SPIRE1: variants seen among roughly 807,000 people sequenced by gnomAD.
SPIRE1 encodes spire type actin nucleation factor 1.
Under a neutral mutation model 94.1 loss-of-function variants are expected in SPIRE1, and 40 were observed. The ratio of observed to expected loss-of-function variants is 0.43; its 90% CI spans 0.33 to 0.55. The LOEUF (loss-of-function observed/expected upper bound fraction) is 0.55, where lower values mean the gene tolerates loss of function less well. SPIRE1 is among the 20% of genes least tolerant of loss of function. SPIRE1 has a pLI of 0.06. For synonymous variants in SPIRE1, 376 were observed against 371.7 expected, an observed-to-expected ratio of 1.01 and a Z score of -0.13; for missense variants, 838 against 975.2, an observed-to-expected ratio of 0.86 and a Z score of 1.87.
intron 1 of SPIRE1, among the ~76,000 whole-genome samples, chr18:12,638,882 A>T (rs1053228061): frequency 6.6e-6 from 1 of 152,060 alleles, no homozygotes. Context: ...GATGACTGTA[A>T]GTTTTCTGAG....
chr18:12,452,137 C>A, intron 16 of SPIRE1, 118 bp downstream of exon 16: 1 of 1,277,614 alleles, frequency 7.8e-7, no homozygotes, highest in Non-Finnish European at 1.1e-6. Flanking sequence ...TGTATTAAAA[C>A]CAACCAACAA....
At chr18:12,629,726 G>T (rs1249165260) in intron 2 of SPIRE1, among the ~76,000 whole-genome samples, 8 of 152,090 alleles carry the variant, frequency 5.3e-5, no homozygotes, top group South Asian at 4.2e-4. Flanking sequence ...AAAACTCAAA[G>T]AATTAAATAA....
rs536045286 is a variant in SPIRE1, at chr18:12,510,232, T to TA, written c.807+2221dup. On this transcript the variant is annotated intron_variant, in intron 5 of 16. Coordinates refer to ENST00000409402, the MANE Select transcript of SPIRE1 (RefSeq NM_001128626.2). ...AGGAGGGAGGCAGGAGGTAGGATCA[T>TA]AAAAAGGTATGAGGAAACTTTGGGT... Among the ~76,000 whole-genome samples the TA allele has an allele frequency of 1.1e-3, 165 of 152,160 alleles. 1 individual carries two copies. The highest frequency in any genetic ancestry group is 3.6e-3 in the African/African-American group (149 of 41,528).
At chr18:12,488,938 C>A (rs2033135174) in intron 8 of SPIRE1, among the ~76,000 whole-genome samples, 1 of 152,188 alleles carries the variant, frequency 6.6e-6, no homozygotes, top group Admixed American at 6.5e-5. Context: ...GTAATCCCAG[C>A]ACTTTCGGAG....
At chr18:12,542,676 TAATA>T (rs2035044849) in intron 3 of SPIRE1, among the ~76,000 whole-genome samples, 1 of 152,216 alleles carries the variant, frequency 6.6e-6, no homozygotes, top group African/African-American at 2.4e-5. Flanking sequence ...AGGTTAGCAC[TAATA>T]AATTAGTGCT....
At position 12,657,829 on chromosome 18, in the gene SPIRE1, G is replaced by T. The variant is rs1413867598; in HGVS notation, c.38C>A (p.Pro13Gln). 5.1e-6 allele frequency: 6 copies of T among 1,165,930 alleles called. No homozygotes were observed. The African/African-American group carries it at 6.5e-5, about 13-fold the overall frequency. The allele number at this position is 1,165,930 out of a possible 1,614,324, so 72.2% of individuals were successfully genotyped here. A position where few individuals can be genotyped will look rare whatever the true frequency, so the allele number is the denominator to read the frequency against. ...QAAGPAGGGE[P>Q]RTEAVGGEGP... ...CTCGCCGCCCACTGCCTCAGTCCGC[G>T]GCTCCCCGCCGCCCGCCGGGCCAGC... is the stretch of plus-strand genomic sequence containing the variant. The change falls in exon 1 of 17, where the codon CCG (proline) becomes CAG (glutamine). Residue 13 changes from proline (P) to glutamine (Q), a missense_variant. Pro to Gln is a moderately conservative substitution (Grantham distance 76, BLOSUM62 -1). Coordinates refer to ENST00000409402, the MANE Select transcript of SPIRE1 (RefSeq NM_001128626.2).
At chr18:12,488,999 C>T (rs573929167) in intron 8 of SPIRE1, among the ~76,000 whole-genome samples, 11 of 152,018 alleles carry the variant, frequency 7.2e-5, no homozygotes, top group African/African-American at 2.7e-4. Flanking sequence ...TCCTGGCTAA[C>T]ATGGTGAAAC....
intron 2 of SPIRE1, among the ~76,000 whole-genome samples, chr18:12,618,847 G>C (rs890193742): frequency 4.0e-5 from 6 of 151,856 alleles, no homozygotes; most frequent in African/African-American, 1.2e-4. Flanking sequence ...TGCTTTGGGA[G>C]AATCTATTCC....
At chr18:12,516,524 C>T (rs908404458) in intron 4 of SPIRE1, among the ~76,000 whole-genome samples, 2 of 152,094 alleles carry the variant, frequency 1.3e-5, no homozygotes, top group African/African-American at 4.8e-5. Flanking sequence ...ATTCTGGATC[C>T]AACTATGCCT....
chr18:12,556,767 C>T (rs1201520225), intron 2 of SPIRE1, among the ~76,000 whole-genome samples: 1 of 152,140 alleles, frequency 6.6e-6, no homozygotes, highest in Non-Finnish European at 1.5e-5. Context: ...AGTGTTACAG[C>T]TCATAAAGGT....
intron 1 of SPIRE1, among the ~76,000 whole-genome samples, chr18:12,656,327 C>G (rs935133456): frequency 6.6e-6 from 1 of 152,096 alleles, no homozygotes; most frequent in Non-Finnish European, 1.5e-5. Flanking sequence ...AACAAAAATA[C>G]TATTTGAAAT....
chr18:12,461,932 C>T (rs957587778), intron 12 of SPIRE1, among the ~76,000 whole-genome samples: 4 of 152,112 alleles, frequency 2.6e-5, no homozygotes, highest in African/African-American at 9.7e-5. Context: ...TGTGCCTGGA[C>T]CCTCTTACAT....
chr18:12,597,567 C>T (rs2036712993), intron 2 of SPIRE1, among the ~76,000 whole-genome samples: 3 of 152,114 alleles, frequency 2.0e-5, no homozygotes, highest in South Asian at 2.1e-4. Flanking sequence ...TTCATCTCAG[C>T]GCCCCAGAAT....
At chr18:12,565,639 C>G (rs181913532) in intron 2 of SPIRE1, among the ~76,000 whole-genome samples, 1 of 152,002 alleles carries the variant, frequency 6.6e-6, no homozygotes, top group African/African-American at 2.4e-5. Flanking sequence ...CTCCCAAAGT[C>G]CTGGGATTAC....
intron 2 of SPIRE1, among the ~76,000 whole-genome samples, chr18:12,568,123 G>A: frequency 6.6e-6 from 1 of 152,230 alleles, no homozygotes; most frequent in Non-Finnish European, 1.5e-5. Flanking sequence ...CGTAGACGTA[G>A]AAGAGTGATC....
intron 11 of SPIRE1, 120 bp from the exon 12 acceptor site, chr18:12,463,613 T>TTCC: frequency 2.4e-6 from 2 of 822,654 alleles, no homozygotes; most frequent in Non-Finnish European, 3.7e-6. Flanking sequence ...GAGAGATATT[T>TTCC]TAAGATGGTA....
At chr18:12,535,869 C>T (rs764000474) in intron 3 of SPIRE1, among the ~76,000 whole-genome samples, 2 of 152,134 alleles carry the variant, frequency 1.3e-5, no homozygotes, top group Non-Finnish European at 2.9e-5. Flanking sequence ...GCAGGACAAT[C>T]GCTTGAACCT....
chr18:12,496,284 G>T (rs560143338), intron 6 of SPIRE1, among the ~76,000 whole-genome samples, 182 bp from the exon 7 acceptor site: 1 of 152,288 alleles, frequency 6.6e-6, no homozygotes, highest in Admixed American at 6.5e-5. Flanking sequence ...CTGTGAAATT[G>T]AAGAAAATCC....
intron 16 of SPIRE1, chr18:12,450,713 A>T: frequency 1.5e-6 from 1 of 657,548 alleles, no homozygotes; most frequent in Non-Finnish European, 2.7e-6. Flanking sequence ...GAAGGATCCT[A>T]ATGCCCCGAA....
Sources: gnomAD v4.1 joint callset for allele counts (sites outside exome capture counted in the v4.1 genomes callset) on GRCh38, gnomAD v4.1.1 for gene constraint, MANE v1.5 for transcripts, NCBI Gene and HGNC (gene_info 2026-07-23, HGNC 2026-07-21) for gene names.